The following GBF1 variants were observed in gnomAD, a reference collection of about 807,000 sequenced individuals.
GBF1 encodes Golgi-specific brefeldin A-resistance guanine nucleotide exchange factor 1.
A neutral mutation model predicts 210.5 loss-of-function variants in GBF1; 114 were observed. The observed-to-expected ratio is 0.54, with a 90% CI of 0.47 to 0.63. The LOEUF is 0.63. Among genes scored for constraint, GBF1 ranks in the 30% least tolerant of loss-of-function variants. GBF1 has a pLI of 0.00. For synonymous variants in GBF1, 850 were observed against 889.2 expected, an observed-to-expected ratio of 0.96 and a Z score of 0.78; for missense variants, 1,851 against 2,357.7, an observed-to-expected ratio of 0.79 and a Z score of 4.45.
At chr10:102,375,035 G>A (rs1387834637) in intron 29 of GBF1, among the ~76,000 whole-genome samples, 4 of 151,836 alleles carry the variant, frequency 2.6e-5, no homozygotes, top group Non-Finnish European at 4.4e-5. Flanking sequence ...TTAGCCAGGT[G>A]TGGTCACATG....
In GBF1 at chr10:102,363,158, A is replaced by C; in HGVS notation, c.1877-98A>C. ...CTCAGGGCTGGCGCCCTGTGCAGGA[A>C]CCATGCAGGTCTTCTGGGCTTGGGA... On this transcript the variant is annotated intron_variant, in intron 15 of 39. Coordinates refer to ENST00000369983, the MANE Select transcript of GBF1 (RefSeq NM_001377137.1). This position sits in a 1 kb window ranked among gnomAD's most constrained non-coding sequence, Gnocchi z 4.2. The C allele has an allele frequency of 8.7e-7, 1 of 1,151,860 alleles. No individual in the cohort carries two copies. The highest frequency in any genetic ancestry group is 2.4e-5 in the East Asian group (1 of 41,188). 71.4% of individuals were successfully genotyped at this position (1,151,860 alleles called of 1,614,324 possible).
chr10:102,350,262 A>C (rs1272395170), intron 4 of GBF1, among the ~76,000 whole-genome samples: 1 of 151,966 alleles, frequency 6.6e-6, no homozygotes, highest in East Asian at 1.9e-4. Context: ...AGGCAGGAGA[A>C]TCGCTTGAAC....
Position 102,343,049 on chromosome 10 carries a change from A to C in GBF1, c.164-1002A>C, listed in dbSNP as rs536914534. 3.9e-5 allele frequency among the ~76,000 whole-genome samples: 6 copies of C among 152,276 alleles called. No individual in the cohort carries two copies. In the South Asian group the frequency reaches 1.0e-3, roughly 26 times the overall value. On this transcript the variant is annotated intron_variant, in intron 3 of 39. Coordinates refer to ENST00000369983, the MANE Select transcript of GBF1 (RefSeq NM_001377137.1). ...TATCTGAGCCTTTTCTCATCTGTAAAATAAAGATTATCAATTGCCCCTTCA... is the reference window on the plus strand; with the variant it reads ...TATCTGAGCCTTTTCTCATCTGTAACATAAAGATTATCAATTGCCCCTTCA...
intron 3 of GBF1, among the ~76,000 whole-genome samples, chr10:102,310,538 C>G (rs1051775878): frequency 6.6e-6 from 1 of 152,160 alleles, no homozygotes; most frequent in Admixed American, 6.6e-5. Context: ...AGTATAAGCA[C>G]TAGGTGTTTT....
At chr10:102,288,720 A>C (rs2076173892) in intron 3 of GBF1, among the ~76,000 whole-genome samples, 1 of 123,776 alleles carries the variant, frequency 8.1e-6, no homozygotes, top group Non-Finnish European at 1.8e-5. Context: ...TCCGTCTCAA[A>C]GGAAAAAAAA....
intron 3 of GBF1, among the ~76,000 whole-genome samples, chr10:102,324,647 C>T (rs987396482): frequency 2.6e-5 from 4 of 151,988 alleles, no homozygotes; most frequent in South Asian, 2.1e-4. Context: ...AGTGCAGTGG[C>T]GCAATCTTGG....
intron 3 of GBF1, among the ~76,000 whole-genome samples, chr10:102,313,755 A>T (rs2078688752): frequency 6.6e-6 from 1 of 152,204 alleles, no homozygotes; most frequent in African/African-American, 2.4e-5. Flanking sequence ...AGTGTGATTT[A>T]TTAAATACAC....
At chr10:102,348,323 C>T (rs1248345843) in intron 4 of GBF1, among the ~76,000 whole-genome samples, 1 of 152,262 alleles carries the variant, frequency 6.6e-6, no homozygotes, top group Middle Eastern at 3.4e-3. Context: ...GAGCTTAAAC[C>T]CCATTAATGG....
the GBF1 span, chr10:102,232,156 C>A: frequency 1.1e-6 from 1 of 903,132 alleles, no homozygotes; most frequent in East Asian, 2.6e-5. Flanking sequence ...AGCTAGGTCC[C>A]AGCAGCGTTT....
intron 1 of GBF1, among the ~76,000 whole-genome samples, chr10:102,247,649 CTTTT>C (rs1001679312): frequency 2.6e-5 from 4 of 151,938 alleles, no homozygotes; most frequent in Admixed American, 2.0e-4. Flanking sequence ...CTCTCTCTTT[CTTTT>C]TTTTAATCCT....
At chr10:102,359,208 A>C in intron 10 of GBF1, 59 bp from the exon 11 acceptor site, 1 of 1,175,706 alleles carries the variant, frequency 8.5e-7, no homozygotes, top group Admixed American at 1.7e-5. Context: ...TCAGGGGAGT[A>C]AGTTCCAAGT....
At chr10:102,301,671 G>A (rs1308241355) in intron 3 of GBF1, among the ~76,000 whole-genome samples, 8 of 151,310 alleles carry the variant, frequency 5.3e-5, no homozygotes, top group African/African-American at 1.2e-4. Context: ...CAGATGGGGC[G>A]GCGGGGCAGA....
upstream of GBF1, among the ~76,000 whole-genome samples, chr10:102,242,845 C>T (rs965140651): frequency 6.7e-6 from 1 of 149,812 alleles, no homozygotes; most frequent in African/African-American, 2.5e-5. Context: ...AGAAGAATGG[C>T]GTGAACCCAG....
Position 102,351,313 on chromosome 10 carries a change from A to G in GBF1, c.353A>G (p.His118Arg). Residue 118 changes from histidine (H) to arginine (R), a missense_variant, in exon 5 of 40, where the codon CAT becomes CGT. His to Arg is a conservative substitution (Grantham distance 29). Around this residue, in one of 3 missense-constraint regions of GBF1, gnomAD observed 804 missense variants for 958.6 expected, o/e 0.84. Coordinates refer to ENST00000369983, the MANE Select transcript of GBF1 (RefSeq NM_001377137.1). Reference sequence around the variant, plus strand: ...GAGAACATGGCAGATGCTGTCACCCATGCTCGTTTTGTGGGCACGGATCCT... The same window carrying G: ...GAGAACATGGCAGATGCTGTCACCCGTGCTCGTTTTGTGGGCACGGATCCT... ...GMENMADAVT[H>R]ARFVGTDPAS... 6.2e-7 allele frequency: 1 copy of G among 1,612,670 alleles called. No individual in the cohort carries two copies.
At chr10:102,271,621 C>T (rs2074432060) in intron 3 of GBF1, among the ~76,000 whole-genome samples, 1 of 150,798 alleles carries the variant, frequency 6.6e-6, no homozygotes, top group South Asian at 2.1e-4. Flanking sequence ...TATCATTTAA[C>T]TTGTTCCTCT....
chr10:102,356,891 A>T (rs547919377), intron 8 of GBF1, among the ~76,000 whole-genome samples: 1 of 152,306 alleles, frequency 6.6e-6, no homozygotes, highest in East Asian at 1.9e-4. Context: ...GTCCCTTGCC[A>T]CTAAAAGTAA....
chr10:102,365,267 T>C, intron 17 of GBF1, 130 bp from the exon 18 acceptor site: 1 of 661,120 alleles, frequency 1.5e-6, no homozygotes, highest in East Asian at 2.7e-5. Flanking sequence ...CTTAGTTCTG[T>C]AATCACTAAG....
In GBF1 at chr10:102,382,697, C is replaced by T. The variant is rs1049293952; in HGVS notation, c.*361C>T. 1.3e-5 allele frequency: 3 copies of T among 224,678 alleles called. No homozygotes were observed. Among genetic ancestry groups the T allele is most frequent in the African/African-American group, 6.8e-5 (3 of 44,034 alleles). 13.9% of individuals were successfully genotyped at this position (224,678 alleles called of 1,614,324 possible). A position where few individuals can be genotyped will look rare whatever the true frequency, so the allele number is the denominator to read the frequency against. ...AGCCCAACCACTCTGCACTTTGTTT[C>T]CCACTCCCATTAGCCCTGGGCCACC... On this transcript the variant is annotated 3_prime_UTR_variant, in exon 40 of 40. Transcript: ENST00000369983.
At chr10:102,321,842 G>A (rs573815341) in intron 3 of GBF1, among the ~76,000 whole-genome samples, 16 of 152,144 alleles carry the variant, frequency 1.1e-4, no homozygotes, top group African/African-American at 3.9e-4. Flanking sequence ...GATTACAGGT[G>A]TGAGTGAGCC....
Sources: allele counts gnomAD v4.1 joint callset (sites outside exome capture counted in the v4.1 genomes callset), GRCh38; gene constraint gnomAD v4.1.1; regional missense constraint gnomAD v4.1.1; non-coding constraint Gnocchi (gnomAD v3.1); transcripts MANE v1.5; gene names NCBI Gene and HGNC (gene_info 2026-07-23, HGNC 2026-07-21).